RPH3A: variants seen among roughly 807,000 people sequenced by gnomAD.
RPH3A encodes the protein rabphilin-3A.
RPH3A carries 48 observed loss-of-function variants against 102.2 expected under a neutral mutation model. The observed-to-expected ratio is 0.47, with a 90% CI of 0.37 to 0.60. The LOEUF is 0.60. RPH3A is among the 20% of genes least tolerant of loss of function. The pLI is 0.00. For synonymous variants in RPH3A, 310 were observed against 324.3 expected, an observed-to-expected ratio of 0.96 and a Z score of 0.47; for missense variants, 781 against 910.1, an observed-to-expected ratio of 0.86 and a Z score of 1.83.
In RPH3A at chr12:112,895,406, C is replaced by T. The variant is rs2043163665; in HGVS notation, c.1858-371C>T. On this transcript the variant is annotated intron_variant, in intron 20 of 21. Transcript: ENST00000389385. ...TGTGAGCCACCGGGCCCGGCCACTT[C>T]AACTACTTTTATTCCTAAGCAATAA... is the stretch of plus-strand genomic sequence containing the variant. 10 of 176,710 alleles carry T rather than the reference C, an allele frequency of 5.7e-5. No homozygotes were observed. The South Asian group carries it at 1.4e-3, about 26-fold the overall frequency. The allele number at this position is 176,710 out of a possible 1,614,324, so 10.9% of individuals were successfully genotyped here. A position where few individuals can be genotyped will look rare whatever the true frequency, so the allele number is the denominator to read the frequency against.
At chr12:112,882,190 C>T (rs1285849914) in intron 15 of RPH3A, among the ~76,000 whole-genome samples, 3 of 152,182 alleles carry the variant, frequency 2.0e-5, no homozygotes, top group Admixed American at 6.5e-5. Flanking sequence ...ACATTTTATG[C>T]CCCAACCACA....
At chr12:112,712,889 T>C (rs1373999522) in intron 1 of RPH3A, among the ~76,000 whole-genome samples, 1 of 135,814 alleles carries the variant, frequency 7.4e-6, no homozygotes, top group Non-Finnish European at 1.5e-5. Context: ...TTTCTTCTTC[T>C]TCTTCTTCTT....
At position 112,883,381 on chromosome 12, in the gene RPH3A, A is replaced by G; in HGVS notation, c.1415A>G (p.Asp472Gly). Residue 472 changes from aspartate (D) to glycine (G), a missense_variant, in exon 16 of 22, where the codon GAC (aspartate) becomes GGC (glycine). Asp to Gly is a moderately conservative substitution (Grantham distance 94). Coordinates refer to ENST00000389385, the MANE Select transcript of RPH3A (RefSeq NM_001143854.2). ...GTGTATCACGGCATCACCGATGAGG[A>G]CATGCAAAGGAAGACCCTCAGGTAC... ...TLVYHGITDEDMQRKTLRISV... is the reference protein window; with the variant it reads ...TLVYHGITDEGMQRKTLRISV... 1 of 1,614,008 alleles carries G rather than the reference A, an allele frequency of 6.2e-7. No individual in the cohort carries two copies. Among genetic ancestry groups the G allele is most frequent in the Non-Finnish European group, 8.5e-7 (1 of 1,179,888 alleles).
rs776635983 is a variant in RPH3A at position 112,792,208 on chromosome 12, G to T, written c.-74G>T. ...GCGTCTTTCTACCCGGCAGGGAAGG[G>T]AGGAGTTGGCAAGAATTTGGCTCAC... On this transcript the variant is annotated 5_prime_UTR_variant, in exon 2 of 22. Coordinates refer to ENST00000389385, the MANE Select transcript of RPH3A (RefSeq NM_001143854.2). The T allele has an allele frequency of 1.3e-5, 2 of 152,188 alleles. No individual in the cohort carries two copies. Among genetic ancestry groups the T allele is most frequent in the South Asian group, 4.2e-4 (2 of 4,816 alleles). The allele number at this position is 152,188 out of a possible 1,614,324, so 9.4% of individuals were successfully genotyped here.
chr12:112,783,174 C>T (rs1442918347), intron 1 of RPH3A, among the ~76,000 whole-genome samples: 1 of 152,136 alleles, frequency 6.6e-6, no homozygotes, highest in African/African-American at 2.4e-5. Flanking sequence ...GGATATCTGT[C>T]GTGTCACGTT....
chr12:112,612,588 A>G (rs2039647443), intron 1 of RPH3A, among the ~76,000 whole-genome samples: 1 of 131,214 alleles, frequency 7.6e-6, no homozygotes, highest in Admixed American at 8.2e-5. Context: ...TTTTTGAGAC[A>G]GGGTCTCACT....
At chr12:112,728,301 G>A (rs1427381204) in intron 1 of RPH3A, among the ~76,000 whole-genome samples, 1 of 152,138 alleles carries the variant, frequency 6.6e-6, no homozygotes, top group African/African-American at 2.4e-5. Context: ...GGCAAAGTTG[G>A]CAGATCCCAG....
At chr12:112,651,117 T>A (rs2039971839) in intron 1 of RPH3A, among the ~76,000 whole-genome samples, 1 of 151,530 alleles carries the variant, frequency 6.6e-6, no homozygotes, top group Non-Finnish European at 1.5e-5. Context: ...CCCAGCACTT[T>A]GGGAGGCTGA....
At chr12:112,825,284 C>G (rs1448684965) in intron 2 of RPH3A, among the ~76,000 whole-genome samples, 1 of 152,278 alleles carries the variant, frequency 6.6e-6, no homozygotes, top group East Asian at 1.9e-4. Flanking sequence ...GATGAAATAG[C>G]TTTACTGTAA....
chr12:112,667,792 C>T (rs999945044), intron 1 of RPH3A, among the ~76,000 whole-genome samples: 1 of 151,920 alleles, frequency 6.6e-6, no homozygotes, highest in African/African-American at 2.4e-5. Flanking sequence ...AGTCAGGAGA[C>T]ACAGCCATCC....
intron 1 of RPH3A, among the ~76,000 whole-genome samples, chr12:112,702,685 G>A (rs2040402571): frequency 6.6e-6 from 1 of 152,208 alleles, no homozygotes; most frequent in Non-Finnish European, 1.5e-5. Flanking sequence ...AAGGGTCTGG[G>A]CCCCACTTGT....
rs559924419 is a variant in RPH3A, at chr12:112,749,153, G to A, written c.-139-42990G>A. 4.6e-5 allele frequency among the ~76,000 whole-genome samples: 7 copies of A among 152,312 alleles called. No homozygotes were observed. The South Asian group carries it at 1.5e-3, about 32-fold the overall frequency. Reference sequence around the variant, plus strand: ...ATTTCAGCTTTTTCTAGAGTCAGGAGAGAGAGAGTGATGTGTTGTCAAGGC... The same window carrying A: ...ATTTCAGCTTTTTCTAGAGTCAGGAAAGAGAGAGTGATGTGTTGTCAAGGC... On this transcript the variant is annotated intron_variant, in intron 1 of 21. Transcript: ENST00000543106.
chr12:112,763,501 G>C (rs981948288), intron 1 of RPH3A, among the ~76,000 whole-genome samples: 2 of 152,174 alleles, frequency 1.3e-5, no homozygotes, highest in African/African-American at 4.8e-5. Context: ...CCAGGTCATA[G>C]GTGGATTCAA....
At chr12:112,605,983 C>T (rs1284433689) in intron 1 of RPH3A, among the ~76,000 whole-genome samples, 6 of 152,140 alleles carry the variant, frequency 3.9e-5, no homozygotes, top group South Asian at 2.1e-4. Flanking sequence ...GTGTATCACT[C>T]GATTCTCACA....
chr12:112,616,053 T>A (rs958790226), intron 1 of RPH3A, among the ~76,000 whole-genome samples: 1 of 152,158 alleles, frequency 6.6e-6, no homozygotes, highest in African/African-American at 2.4e-5. Flanking sequence ...TCTGGGCTTC[T>A]TTTCTCCAGT....
intron 1 of RPH3A, among the ~76,000 whole-genome samples, chr12:112,750,865 A>G (rs1407214530): frequency 1.3e-5 from 2 of 152,164 alleles, no homozygotes; most frequent in Admixed American, 6.5e-5. Flanking sequence ...AAACTTTCTC[A>G]TTCTTCTGAG....
intron 5 of RPH3A, among the ~76,000 whole-genome samples, chr12:112,858,266 C>CAAAAAAAAAAAAAAA (rs1164602599): frequency 2.5e-3 from 110 of 44,762 alleles, no homozygotes; most frequent in East Asian, 2.9e-3. Context: ...GACCCTGTCT[C>CAAAAAAAAAAAAAAA]AAAAAAAAAA....
intron 2 of RPH3A, among the ~76,000 whole-genome samples, chr12:112,801,136 G>A (rs991642883): frequency 1.3e-5 from 2 of 152,190 alleles, no homozygotes; most frequent in African/African-American, 4.8e-5. Flanking sequence ...AAGGCTGCTG[G>A]ATGTGATGGA....
chr12:112,682,573 T>G (rs752738211), intron 1 of RPH3A, among the ~76,000 whole-genome samples: 3 of 152,264 alleles, frequency 2.0e-5, no homozygotes, highest in Non-Finnish European at 4.4e-5. Flanking sequence ...TCCATGGGTA[T>G]CTTTCTTTCT....
Sources: allele counts gnomAD v4.1 joint callset (sites outside exome capture counted in the v4.1 genomes callset), GRCh38; gene constraint gnomAD v4.1.1; transcripts MANE v1.5; gene names NCBI Gene and HGNC (gene_info 2026-07-23, HGNC 2026-07-21).